Variants in CDH13 observed in about 807,000 individuals in gnomAD.
CDH13 encodes the protein cadherin 13, also known as cadherin-13.
CDH13 carries 24 observed loss-of-function variants against 63.8 expected under a neutral mutation model. The ratio of observed to expected loss-of-function variants is 0.38; its 90% CI spans 0.27 to 0.53. The LOEUF is 0.53. Ranked by LOEUF, CDH13 falls within the 20% of genes least tolerant of loss-of-function variation. CDH13 has a pLI of 0.85. For missense variants in CDH13, 1,049 were observed against 903.1 expected, an observed-to-expected ratio of 1.16 and a Z score of -2.07; for synonymous variants, 503 against 355.3, an observed-to-expected ratio of 1.42 and a Z score of -4.67.
At chr16:83,705,622 A>T (rs1906922077) in intron 10 of CDH13, among the ~76,000 whole-genome samples, 1 of 152,242 alleles carries the variant, frequency 6.6e-6, no homozygotes, top group Non-Finnish European at 1.5e-5. Flanking sequence ...ACTCCGTCTC[A>T]AAAGAAAAGA....
At chr16:83,360,482 T>G (rs78503065) in intron 6 of CDH13, among the ~76,000 whole-genome samples, 7 of 152,126 alleles carry the variant, frequency 4.6e-5, no homozygotes, top group South Asian at 4.1e-4. Context: ...TTTTTTTTTT[T>G]GGATTTGGGC....
At chr16:83,085,245 C>T (rs1328461097) in intron 3 of CDH13, among the ~76,000 whole-genome samples, 1 of 151,942 alleles carries the variant, frequency 6.6e-6, no homozygotes, top group African/African-American at 2.4e-5. Context: ...AAGCAGAAAC[C>T]CCTGATAAAC....
chr16:82,667,771 C>A (rs1567607226), intron 1 of CDH13, among the ~76,000 whole-genome samples: 1 of 152,124 alleles, frequency 6.6e-6, no homozygotes, highest in South Asian at 2.1e-4. Flanking sequence ...CGCCACAGCT[C>A]ACGCTTGCTT....
At chr16:82,699,542 T>C (rs1165741638) in intron 1 of CDH13, among the ~76,000 whole-genome samples, 1 of 152,242 alleles carries the variant, frequency 6.6e-6, no homozygotes, top group Non-Finnish European at 1.5e-5. Context: ...GTCATAACTC[T>C]GCCTTCCAGC....
At chr16:83,525,595 C>T (rs1355384994) in intron 7 of CDH13, among the ~76,000 whole-genome samples, 1 of 152,216 alleles carries the variant, frequency 6.6e-6, no homozygotes, top group African/African-American at 2.4e-5. Context: ...TCCATTCTGA[C>T]TTCACATCCA....
At chr16:83,175,489 C>T (rs1170690237) in intron 4 of CDH13, among the ~76,000 whole-genome samples, 1 of 151,958 alleles carries the variant, frequency 6.6e-6, no homozygotes, top group African/African-American at 2.4e-5. Context: ...ATCAGAGCAT[C>T]CAGGAGAAAC....
chr16:82,695,627 G>GT (rs2030192357), intron 1 of CDH13, among the ~76,000 whole-genome samples: 2 of 152,150 alleles, frequency 1.3e-5, no homozygotes, highest in Non-Finnish European at 2.9e-5. Context: ...CTTCCTATCA[G>GT]TTTTTTAGGG....
intron 6 of CDH13, among the ~76,000 whole-genome samples, chr16:83,410,485 T>C (rs1181561937): frequency 6.6e-6 from 1 of 152,210 alleles, no homozygotes; most frequent in African/African-American, 2.4e-5. Context: ...ATTTCAGTGT[T>C]TAGCAAGGTT....
Position 83,605,143 on chromosome 16 carries a change from A to C in CDH13, c.1101+2549A>C, listed in dbSNP as rs375964688. Among the ~76,000 whole-genome samples the C allele has an allele frequency of 1.3e-3, 198 of 152,346 alleles. 1 individual carries two copies. Among genetic ancestry groups the C allele is most frequent in the African/African-American group, 4.5e-3 (187 of 41,574 alleles). On this transcript the variant is annotated intron_variant, in intron 8 of 13. Coordinates refer to ENST00000567109, the MANE Select transcript of CDH13 (RefSeq NM_001257.5). ...CCTGTAAATACCAGCAAAAGCACAC[A>C]CATTTTCTTCAAATGGAGATTAGAC... is the stretch of plus-strand genomic sequence containing the variant.
At chr16:82,911,264 CAA>C (rs1380694181) in intron 2 of CDH13, among the ~76,000 whole-genome samples, 2 of 152,340 alleles carry the variant, frequency 1.3e-5, no homozygotes, top group Admixed American at 6.5e-5. Flanking sequence ...GAAACTTCTG[CAA>C]AAGAGTCAGA....
intron 2 of CDH13, among the ~76,000 whole-genome samples, chr16:82,882,038 A>T (rs2040721468): frequency 6.6e-6 from 1 of 152,150 alleles, no homozygotes; most frequent in South Asian, 2.1e-4. Context: ...TCATGCATCT[A>T]TGTTTTTATT....
At position 83,482,866 on chromosome 16, in the gene CDH13, C is replaced by T. The variant is rs2073803896; in HGVS notation, c.782-3611C>T. On this transcript the variant is annotated intron_variant, in intron 6 of 13. Coordinates refer to ENST00000567109, the MANE Select transcript of CDH13 (RefSeq NM_001257.5). ...GTGAGAGAGAGGGCTGTCCTGCGAC[C>T]CTTTGTCCCACATTCTTTGGACAAC... Among the ~76,000 whole-genome samples the T allele has an allele frequency of 5.3e-5, 8 of 152,282 alleles. No individual in the cohort carries two copies. In the South Asian group the frequency reaches 1.7e-3, roughly 32 times the overall value.
intron 5 of CDH13, among the ~76,000 whole-genome samples, chr16:83,326,999 G>C (rs920309222): frequency 3.3e-5 from 5 of 152,196 alleles, no homozygotes; most frequent in African/African-American, 1.2e-4. Flanking sequence ...GACCTCTTTT[G>C]TGCACAAGTG....
intron 11 of CDH13, among the ~76,000 whole-genome samples, chr16:83,748,564 A>T (rs1262341378): frequency 6.6e-6 from 1 of 152,150 alleles, no homozygotes. Context: ...TCATGCTCTC[A>T]TTTGCAAAGA....
chr16:83,600,434 G>A (rs1907678557), intron 7 of CDH13, among the ~76,000 whole-genome samples: 1 of 152,168 alleles, frequency 6.6e-6, no homozygotes, highest in Non-Finnish European at 1.5e-5. Flanking sequence ...GAAGTTAAAG[G>A]AACAGCAATG....
chr16:83,136,370 C>T (rs2036285669), intron 4 of CDH13, among the ~76,000 whole-genome samples: 1 of 151,050 alleles, frequency 6.6e-6, no homozygotes, highest in African/African-American at 2.4e-5. Context: ...CCTGTAGTCC[C>T]AGCTACTCGG....
At chr16:83,226,945 T>C (rs564947664) in intron 5 of CDH13, among the ~76,000 whole-genome samples, 1 of 152,168 alleles carries the variant, frequency 6.6e-6, no homozygotes, top group Non-Finnish European at 1.5e-5. Flanking sequence ...TTGGTAAAAA[T>C]GAGAAGGGAG....
In CDH13 at chr16:82,786,078, C is replaced by G. The variant is rs115437404; in HGVS notation, c.46-72284C>G. Among the ~76,000 whole-genome samples, 1,258 of 152,270 alleles carry G rather than the reference C, an allele frequency of 8.3e-3. 18 individuals carry two copies. Among genetic ancestry groups the G allele is most frequent in the African/African-American group, 0.029 (1,211 of 41,564 alleles). Reference sequence around the variant, plus strand: ...CAAGGCAGAGCAGGTAGCAAGTAATCTGAATGAGTTAGGGTGAGCAAGTGA... The same window carrying G: ...CAAGGCAGAGCAGGTAGCAAGTAATGTGAATGAGTTAGGGTGAGCAAGTGA... On this transcript the variant is annotated intron_variant, in intron 1 of 13. Coordinates refer to ENST00000567109, the MANE Select transcript of CDH13 (RefSeq NM_001257.5).
At chr16:82,670,676 A>G (rs1259981468) in intron 1 of CDH13, among the ~76,000 whole-genome samples, 1 of 152,188 alleles carries the variant, frequency 6.6e-6, no homozygotes, top group Non-Finnish European at 1.5e-5. Flanking sequence ...CTGGCACGTA[A>G]TTTGGGGTAG....
Sources: gnomAD v4.1 joint callset for allele counts (sites outside exome capture counted in the v4.1 genomes callset) on GRCh38, gnomAD v4.1.1 for gene constraint, MANE v1.5 for transcripts, NCBI Gene and HGNC (gene_info 2026-07-23, HGNC 2026-07-21) for gene names.